Variants in C1orf105 observed in about 807,000 individuals in gnomAD.
C1orf105 encodes the protein chromosome 1 open reading frame 105, also known as uncharacterized protein C1orf105.
A neutral mutation model predicts 20.8 loss-of-function variants in C1orf105; 17 were observed. That is an observed-to-expected ratio of 0.82 (90% confidence interval 0.56 to 1.23). The LOEUF (loss-of-function observed/expected upper bound fraction) is 1.23, where lower values mean the gene tolerates loss of function less well. C1orf105 is among the 50% of genes most tolerant of loss of function. The pLI, the probability that C1orf105 is intolerant of heterozygous loss-of-function variation, is 0.00. For missense variants in C1orf105, 219 were observed against 213.5 expected (o/e 1.03, Z -0.16); for synonymous variants, 72 against 72.1 (o/e 1.00, Z 0.01).
At chr1:172,443,231 T>G (rs1172495668) in intron 1 of C1orf105, 3 of 167,504 alleles carry the variant, frequency 1.8e-5, no homozygotes, top group Admixed American at 6.5e-5. Flanking sequence ...TGTATCTCCC[T>G]CTAAAGCAGT....
intron 1 of C1orf105, among the ~76,000 whole-genome samples, chr1:172,440,741 G>C (rs1451631083): frequency 6.6e-6 from 1 of 152,170 alleles, no homozygotes; most frequent in Non-Finnish European, 1.5e-5. Flanking sequence ...GTAGTCTTAT[G>C]TTGCCTGCAA....
At chr1:172,461,173 G>C (rs1172349561) in intron 4 of C1orf105, among the ~76,000 whole-genome samples, 1 of 152,168 alleles carries the variant, frequency 6.6e-6, no homozygotes, top group Non-Finnish European at 1.5e-5. Context: ...TACCAGATCA[G>C]CTCCTTCCTC....
At chr1:172,454,803 T>C (rs1558141026) in intron 3 of C1orf105, among the ~76,000 whole-genome samples, 1 of 152,308 alleles carries the variant, frequency 6.6e-6, no homozygotes, top group East Asian at 1.9e-4. Context: ...TATATTTCTG[T>C]TGTAGCACCT....
intron 1 of C1orf105, among the ~76,000 whole-genome samples, chr1:172,432,534 G>C (rs1345258829): frequency 6.6e-6 from 1 of 152,206 alleles, no homozygotes; most frequent in Non-Finnish European, 1.5e-5. Context: ...CCGACTGTTA[G>C]AAGGAAAACT....
intron 4 of C1orf105, among the ~76,000 whole-genome samples, chr1:172,457,568 T>A (rs947822819): frequency 3.9e-5 from 6 of 152,238 alleles, no homozygotes; most frequent in African/African-American, 1.4e-4. Flanking sequence ...GTCACTGTGT[T>A]AAATATTAGC....
intron 5 of C1orf105, among the ~76,000 whole-genome samples, chr1:172,462,630 C>T (rs1045344244): frequency 1.3e-5 from 2 of 152,102 alleles, no homozygotes; most frequent in African/African-American, 2.4e-5. Context: ...TTCTCTGCTA[C>T]GTTTTAGTAA....
chr1:172,440,483 T>C (rs984399967), intron 1 of C1orf105, among the ~76,000 whole-genome samples: 10 of 152,206 alleles, frequency 6.6e-5, no homozygotes, highest in African/African-American at 2.4e-4. Context: ...TATTCCCACT[T>C]TACAGATGAA....
intron 1 of C1orf105, among the ~76,000 whole-genome samples, chr1:172,438,356 T>A (rs1573846728): frequency 6.6e-6 from 1 of 152,194 alleles, no homozygotes; most frequent in Non-Finnish European, 1.5e-5. Flanking sequence ...GGTCAAAATA[T>A]CGACATTAAT....
intron 1 of C1orf105, among the ~76,000 whole-genome samples, chr1:172,437,585 G>A (rs1023022131): frequency 8.5e-6 from 1 of 118,066 alleles, no homozygotes; most frequent in East Asian, 3.0e-4. Context: ...GGCCTGCCGG[G>A]GGGTGGGGGG....
intron 1 of C1orf105, among the ~76,000 whole-genome samples, chr1:172,438,346 G>A (rs1236647272): frequency 6.6e-6 from 1 of 152,126 alleles, no homozygotes; most frequent in Non-Finnish European, 1.5e-5. Context: ...TGTGAGAGGA[G>A]GTCAAAATAT....
intron 2 of C1orf105, 42 bp from the exon 3 acceptor site, chr1:172,448,399 A>G: frequency 2.2e-6 from 3 of 1,356,684 alleles, no homozygotes; most frequent in Non-Finnish European, 2.1e-6. Context: ...CTCTTCAAAC[A>G]TGGGACTGCG....
At chr1:172,429,942 G>C (rs6658843) in intron 1 of C1orf105, among the ~76,000 whole-genome samples, 96,061 of 151,986 alleles carry the variant, frequency 0.63, 30,515 homozygotes, top group Middle Eastern at 0.69. Flanking sequence ...CCATTCCTCT[G>C]TCCTTGATCT....
intron 4 of C1orf105, among the ~76,000 whole-genome samples, chr1:172,459,389 A>G (rs926223272): frequency 6.6e-6 from 1 of 152,188 alleles, no homozygotes; most frequent in Non-Finnish European, 1.5e-5. Context: ...AAAAGTTTCA[A>G]TAGACATTCT....
intron 1 of C1orf105, among the ~76,000 whole-genome samples, chr1:172,422,276 C>A (rs1374830641): frequency 6.6e-6 from 1 of 152,196 alleles, no homozygotes; most frequent in Admixed American, 6.5e-5. Context: ...CTTTGTCTTG[C>A]AACTTGGATA....
At chr1:172,430,863 G>T (rs2071853278) in intron 1 of C1orf105, among the ~76,000 whole-genome samples, 1 of 115,882 alleles carries the variant, frequency 8.6e-6, no homozygotes, top group Non-Finnish European at 2.1e-5. Flanking sequence ...TGGTAATTAT[G>T]ACAATATTTC....
At chr1:172,441,194 T>C (rs1224539065) in intron 1 of C1orf105, among the ~76,000 whole-genome samples, 4 of 152,368 alleles carry the variant, frequency 2.6e-5, no homozygotes, top group South Asian at 4.1e-4. Flanking sequence ...TGTGATATGC[T>C]TCCCTAAGAA....
rs752786171 is a variant in C1orf105, at chr1:172,420,903, A to T, written c.18A>T (p.Leu6=). 5 of 1,608,676 alleles carry T rather than the reference A, an allele frequency of 3.1e-6. No individual in the cohort carries two copies. The highest frequency in any genetic ancestry group is 1.7e-5 in the Admixed American group (1 of 59,812). MEKRE[L]KASVPKFDKI... ...TCTGAAAGATGGAAAAAAGAGAACT[A>T]AAGGTAGGAAAAAAATAAATGAAAC... Residue 6 remains leucine (L), a synonymous_variant, in exon 1 of 7, where the codon CTA becomes CTT. Transcript: ENST00000367727.
At chr1:172,421,631 C>G (rs754468678) in intron 1 of C1orf105, among the ~76,000 whole-genome samples, 4 of 151,976 alleles carry the variant, frequency 2.6e-5, no homozygotes, top group Non-Finnish European at 5.9e-5. Context: ...TCTCCATGCA[C>G]GAACATCAAA....
At position 172,420,789 on chromosome 1, in the gene C1orf105, A is replaced by G; in HGVS notation, c.-97A>G. The G allele has an allele frequency of 8.0e-7, 1 of 1,247,074 alleles. No individual in the cohort carries two copies. The highest frequency in any genetic ancestry group is 1.2e-6 in the Non-Finnish European group (1 of 867,660). 77.3% of individuals were successfully genotyped at this position (1,247,074 alleles called of 1,614,324 possible). A position where few individuals can be genotyped will look rare whatever the true frequency, so the allele number is the denominator to read the frequency against. ...TCCTAACAAAAAACACTTTGGATTC[A>G]GGTTCTCCACAGCAGTCTTCCACTG... On this transcript the variant is annotated 5_prime_UTR_variant, in exon 1 of 7. Coordinates refer to ENST00000367727, the MANE Select transcript of C1orf105 (RefSeq NM_139240.4).
Sources: gnomAD v4.1 joint callset for allele counts (sites outside exome capture counted in the v4.1 genomes callset) on GRCh38, gnomAD v4.1.1 for gene constraint, MANE v1.5 for transcripts, NCBI Gene and HGNC (gene_info 2026-07-23, HGNC 2026-07-21) for gene names.